CADM2: variants seen among roughly 807,000 people sequenced by gnomAD.
The protein encoded by CADM2 is cell adhesion molecule 2, also known as immunoglobulin superfamily member 4D.
Under a neutral mutation model 49.8 loss-of-function variants are expected in CADM2, and 12 were observed. The ratio of observed to expected loss-of-function variants is 0.24; its 90% CI spans 0.15 to 0.39. CADM2 has a LOEUF of 0.39. CADM2 is among the 10% of genes least tolerant of loss of function. The probability of loss-of-function intolerance (pLI) is 1.00; values close to 1 mark genes in which losing one functional copy is unlikely to be tolerated. For missense variants in CADM2, 378 were observed against 492.3 expected (o/e 0.77, Z 2.20); for synonymous variants, 214 against 175.4 (o/e 1.22, Z -1.74).
chr3:85,265,764 A>C (rs1304234879), intron 1 of CADM2, among the ~76,000 whole-genome samples: 2 of 152,046 alleles, frequency 1.3e-5, no homozygotes, highest in Non-Finnish European at 2.9e-5. Flanking sequence ...CCTAAGGTGA[A>C]GATTCCAAAT....
chr3:85,504,724 G>C (rs960490582), intron 1 of CADM2, among the ~76,000 whole-genome samples: 3 of 152,222 alleles, frequency 2.0e-5, no homozygotes, highest in African/African-American at 4.8e-5. Context: ...CGTGGAGCAG[G>C]GGGCGGCGCT....
intron 1 of CADM2, among the ~76,000 whole-genome samples, chr3:85,232,713 G>A (rs562842008): frequency 6.6e-6 from 1 of 152,244 alleles, no homozygotes; most frequent in Non-Finnish European, 1.5e-5. Flanking sequence ...AAACAGCAAT[G>A]AGACACTCCT....
At chr3:85,536,125 G>A (rs1040576750) in intron 1 of CADM2, among the ~76,000 whole-genome samples, 1 of 151,968 alleles carries the variant, frequency 6.6e-6, no homozygotes, top group African/African-American at 2.4e-5. Context: ...AGGAAATAAA[G>A]TCATTGTGTG....
chr3:84,994,974 C>T (rs1012561987), intron 1 of CADM2, among the ~76,000 whole-genome samples: 5 of 152,012 alleles, frequency 3.3e-5, no homozygotes, highest in African/African-American at 9.7e-5. Flanking sequence ...AGGTTTCAGT[C>T]AGCCGAAATT....
At chr3:85,103,322 T>A (rs1006756271) in intron 1 of CADM2, among the ~76,000 whole-genome samples, 3 of 152,072 alleles carry the variant, frequency 2.0e-5, no homozygotes, top group South Asian at 2.1e-4. Flanking sequence ...AATAAAAAAA[T>A]TTAGTGTAAC....
chr3:85,173,008 T>G, intron 1 of CADM2, among the ~76,000 whole-genome samples: 1 of 148,464 alleles, frequency 6.7e-6, no homozygotes, highest in East Asian at 1.9e-4. Context: ...TTTTTTTTTT[T>G]TTCTGAGATG....
chr3:85,287,092 A>C (rs1416503061), intron 1 of CADM2, among the ~76,000 whole-genome samples: 1 of 152,260 alleles, frequency 6.6e-6, no homozygotes, highest in Non-Finnish European at 1.5e-5. Flanking sequence ...TGAACAAATA[A>C]CTTCAAATAT....
chr3:85,581,591 TG>T (rs2062800233), intron 1 of CADM2, among the ~76,000 whole-genome samples: 1 of 152,294 alleles, frequency 6.6e-6, no homozygotes, highest in Non-Finnish European at 1.5e-5. Flanking sequence ...AGCAAGTTTT[TG>T]TTAAACTACC....
At chr3:85,050,637 G>T (rs978170101) in intron 1 of CADM2, among the ~76,000 whole-genome samples, 1 of 152,092 alleles carries the variant, frequency 6.6e-6, no homozygotes, top group African/African-American at 2.4e-5. Context: ...TTAAAATATG[G>T]TCTGTAGGTA....
chr3:85,971,252 C>T (rs1455592712), intron 8 of CADM2, among the ~76,000 whole-genome samples: 2 of 151,500 alleles, frequency 1.3e-5, no homozygotes, highest in Admixed American at 1.3e-4. Context: ...CATGTGCAAA[C>T]GTTTTTTCAT....
rs548444977 is a variant in CADM2, at chr3:85,705,532, T to C, written c.62-20990T>C. On this transcript the variant is annotated intron_variant, in intron 1 of 9. Coordinates refer to ENST00000383699, the MANE Select transcript of CADM2 (RefSeq NM_001167675.2). ...TATAGACAATTTTAATAAAAGTATG[T>C]AGATCATCTGTTGAGAATGTATTCC... Among the ~76,000 whole-genome samples, 561 of 152,338 alleles carry C rather than the reference T, an allele frequency of 3.7e-3. 3 individuals carry two copies. The highest frequency in any genetic ancestry group is 6.2e-3 in the Non-Finnish European group (424 of 68,032).
At chr3:85,829,976 T>C (rs1159185930) in intron 3 of CADM2, among the ~76,000 whole-genome samples, 1 of 152,026 alleles carries the variant, frequency 6.6e-6, no homozygotes, top group African/African-American at 2.4e-5. Flanking sequence ...GCAATGAACA[T>C]GGAAGTGCAG....
chr3:85,254,007 C>T (rs1030793292), intron 1 of CADM2, among the ~76,000 whole-genome samples: 1 of 152,164 alleles, frequency 6.6e-6, no homozygotes, highest in African/African-American at 2.4e-5. Flanking sequence ...TGGTTGAAGG[C>T]TCAGCCCCCA....
At chr3:85,001,679 G>T (rs138492738) in intron 1 of CADM2, among the ~76,000 whole-genome samples, 1 of 151,728 alleles carries the variant, frequency 6.6e-6, no homozygotes, top group Non-Finnish European at 1.5e-5. Flanking sequence ...TTATACCATG[G>T]GATCAAAGAT....
At chr3:85,452,619 G>T (rs532751230) in intron 1 of CADM2, among the ~76,000 whole-genome samples, 1 of 152,142 alleles carries the variant, frequency 6.6e-6, no homozygotes, top group East Asian at 1.9e-4. Flanking sequence ...ATCAGTCTTT[G>T]TTCTTTGAAA....
rs567441134 is a variant in CADM2, at chr3:85,941,213, A to T, written c.791+5356A>T. Among the ~76,000 whole-genome samples, 63 of 152,246 alleles carry T rather than the reference A, an allele frequency of 4.1e-4. 1 individual carries two copies. The highest frequency in any genetic ancestry group is 3.4e-3 in the Middle Eastern group (1 of 294). ...GATAAATTATTACTTGATCAAGGAAATACATACAGTGTATCTCAGCAAGTT... is the reference window on the plus strand; with the variant it reads ...GATAAATTATTACTTGATCAAGGAATTACATACAGTGTATCTCAGCAAGTT... On this transcript the variant is annotated intron_variant, in intron 7 of 9. Coordinates refer to ENST00000383699, the MANE Select transcript of CADM2 (RefSeq NM_001167675.2).
chr3:85,518,771 G>T (rs1033322024), intron 1 of CADM2, among the ~76,000 whole-genome samples: 1 of 152,012 alleles, frequency 6.6e-6, no homozygotes, highest in Non-Finnish European at 1.5e-5. Context: ...TCTCATTAAG[G>T]ACATTGTAAT....
chr3:85,439,257 G>A (rs775280067), intron 1 of CADM2, among the ~76,000 whole-genome samples: 1 of 150,876 alleles, frequency 6.6e-6, no homozygotes, highest in Non-Finnish European at 1.5e-5. Context: ...AGGTTCATGC[G>A]ATTCTCCTGC....
chr3:85,045,769 A>C (rs754528554), intron 1 of CADM2, among the ~76,000 whole-genome samples: 25 of 152,238 alleles, frequency 1.6e-4, no homozygotes, highest in South Asian at 1.2e-3. Context: ...TGATGTAAGC[A>C]GATATGTGAT....
Sources: allele counts gnomAD v4.1 joint callset (sites outside exome capture counted in the v4.1 genomes callset), GRCh38; gene constraint gnomAD v4.1.1; transcripts MANE v1.5; gene names NCBI Gene and HGNC (gene_info 2026-07-23, HGNC 2026-07-21).